Variants in RBM7 observed in about 807,000 individuals in gnomAD.
RBM7 encodes the protein RNA-binding protein 7.
RBM7 carries 13 observed loss-of-function variants against 31.0 expected under a neutral mutation model. That is an observed-to-expected ratio of 0.42 (90% CI 0.27 to 0.67). The LOEUF (loss-of-function observed/expected upper bound fraction) is 0.67. RBM7 is among the 30% of genes least tolerant of loss of function. RBM7 has a pLI of 0.24. For synonymous variants in RBM7, 106 were observed against 111.2 expected (o/e 0.95, Z 0.30); for missense variants, 245 against 326.2 (o/e 0.75, Z 1.92).
At chr11:114,402,712 T>G in intron 2 of RBM7, 116 bp from the exon 3 acceptor site, 25 of 912,684 alleles carry the variant, frequency 2.7e-5, no homozygotes, top group Non-Finnish European at 4.2e-5. Context: ...GCCAGTAGTT[T>G]GAGATTTTTC....
At chr11:114,402,948 A>G (rs1317971293) in intron 3 of RBM7, 33 bp downstream of exon 3, 1 of 1,529,634 alleles carries the variant, frequency 6.5e-7, no homozygotes, top group African/African-American at 1.4e-5. Context: ...AAGATCATTT[A>G]TCAGGAATTC....
At chr11:114,402,685 G>A (rs1017231763) in intron 2 of RBM7, 143 bp from the exon 3 acceptor site, 32 of 688,860 alleles carry the variant, frequency 4.6e-5, no homozygotes, top group Middle Eastern at 4.1e-4. Context: ...GATTACAGGC[G>A]TCAGCCACCG....
chr11:114,401,834 G>A lies in RBM7; in HGVS notation c.233G>A (p.Arg78Lys), dbSNP rs763477337. 6.3e-6 allele frequency: 10 copies of A among 1,590,972 alleles called. No homozygotes were observed. In the East Asian group the frequency reaches 2.3e-4, roughly 37 times the overall value. Residue 78 changes from arginine to lysine, a missense_variant, in exon 2 of 5, where the codon AGG (arginine) becomes AAG (lysine). By Grantham distance (26) the Arg-to-Lys change is conservative. Coordinates refer to ENST00000375490, the MANE Select transcript of RBM7 (RefSeq NM_001286045.2). Reference sequence around the variant, plus strand: ...CTTAATGGAATCAAACTTTATGGAAGGCCTATCAAAATTCAATTTAGATCA... The same window carrying A: ...CTTAATGGAATCAAACTTTATGGAAAGCCTATCAAAATTCAATTTAGATCA... The part of the protein sequence containing the change: ...NLLNGIKLYG[R>K]PIKIQFRSGS...
chr11:114,405,269 A>G (rs1023948699), intron 3 of RBM7, among the ~76,000 whole-genome samples: 12 of 152,208 alleles, frequency 7.9e-5, no homozygotes, highest in African/African-American at 2.7e-4. Flanking sequence ...TAAAGTAGCC[A>G]TAGATAATAC....
intron 4 of RBM7, 163 bp downstream of exon 4, chr11:114,405,962 C>T (rs1946261628): frequency 1.9e-6 from 1 of 523,356 alleles, no homozygotes; most frequent in Non-Finnish European, 3.3e-6. Flanking sequence ...AACTTTTTCT[C>T]AAATTTTTGT....
At chr11:114,405,840 T>A in intron 4 of RBM7, 41 bp downstream of exon 4, 5 of 1,196,534 alleles carry the variant, frequency 4.2e-6, no homozygotes, top group Non-Finnish European at 6.0e-6. Flanking sequence ...CAAAAAAAAA[T>A]CATCCTTAGT....
chr11:114,401,706 A>G lies in RBM7; in HGVS notation c.105A>G (p.Pro35=). ...LLFELFHQAG[P]VIKVKIPKDK... ...CACCTTTTTGTTTGTAGGCTGGGCC[A>G]GTAATAAAGGTGAAAATTCCAAAAG... The change falls in exon 2 of 5, where the codon CCA becomes CCG. Residue 35 remains proline (P), a synonymous_variant. Coordinates refer to ENST00000375490, the MANE Select transcript of RBM7 (RefSeq NM_001286045.2). 1.3e-6 allele frequency: 2 copies of G among 1,522,156 alleles called. No homozygotes were observed. Among genetic ancestry groups the G allele is most frequent in the Non-Finnish European group, 1.7e-6 (2 of 1,143,476 alleles). 94.3% of individuals were successfully genotyped at this position (1,522,156 alleles called of 1,614,324 possible).
At position 114,408,637 on chromosome 11, in the gene RBM7, CTT is replaced by C. The variant is rs758764430; in HGVS notation, c.*832_*833del. The C allele has an allele frequency of 1.2e-3, 185 of 152,642 alleles. 2 individuals carry two copies. Among genetic ancestry groups the C allele is most frequent in the Non-Finnish European group, 9.0e-4 (61 of 67,998 alleles). 9.5% of individuals were successfully genotyped at this position (152,642 alleles called of 1,614,324 possible). Reference sequence around the variant, plus strand: ...GCTTCTGTCAGTCAAACGTTAAAAACTTTAACATTTTCAAAGTGCCCAGACTG... The same window carrying C: ...GCTTCTGTCAGTCAAACGTTAAAAACTAACATTTTCAAAGTGCCCAGACTG... On this transcript the variant is annotated 3_prime_UTR_variant, in exon 5 of 5. Coordinates refer to ENST00000375490, the MANE Select transcript of RBM7 (RefSeq NM_001286045.2).
At chr11:114,405,411 A>G (rs139297592) in intron 3 of RBM7, among the ~76,000 whole-genome samples, 114 of 152,294 alleles carry the variant, frequency 7.5e-4, no homozygotes, top group African/African-American at 2.7e-3. Context: ...CCTCTAGGTA[A>G]CCTTGGTGTT....
chr11:114,407,945 C>T lies in RBM7; in HGVS notation c.*138C>T. On this transcript the variant is annotated 3_prime_UTR_variant, in exon 5 of 5. Coordinates refer to ENST00000375490, the MANE Select transcript of RBM7 (RefSeq NM_001286045.2). The stretch of plus-strand genomic sequence containing the variant: ...TTCTTTATAAATTTTTTTAAAGCTA[C>T]AGTTTAATACAAAATGAATTGCGGT... 3 of 1,004,352 alleles carry T rather than the reference C, an allele frequency of 3.0e-6. No individual in the cohort carries two copies. The highest frequency in any genetic ancestry group is 4.1e-6 in the Non-Finnish European group (3 of 723,796). 62.2% of individuals were successfully genotyped at this position (1,004,352 alleles called of 1,614,324 possible).
At position 114,408,881 on chromosome 11, in the gene RBM7, TTCC is replaced by T. The variant is rs1041144131; in HGVS notation, c.*1076_*1078del. ...TTTTAATACCACAGCATTTGTACTGTTCCTTTTTAATATACTGAAAATATAAAA... is the reference window on the plus strand; with the variant it reads ...TTTTAATACCACAGCATTTGTACTGTTTTTTAATATACTGAAAATATAAAA... On this transcript the variant is annotated 3_prime_UTR_variant, in exon 5 of 5. Coordinates refer to ENST00000375490, the MANE Select transcript of RBM7 (RefSeq NM_001286045.2). 6.6e-6 allele frequency: 1 copy of T among 152,194 alleles called. No individual in the cohort carries two copies. Among genetic ancestry groups the T allele is most frequent in the African/African-American group, 2.4e-5 (1 of 41,434 alleles). The allele number at this position is 152,194 out of a possible 1,614,324, so 9.4% of individuals were successfully genotyped here. A position where few individuals can be genotyped will look rare whatever the true frequency, so the allele number is the denominator to read the frequency against.
chr11:114,405,693 G>T lies in RBM7; in HGVS notation c.348-13G>T. 1 of 1,534,372 alleles carries T rather than the reference G, an allele frequency of 6.5e-7. No individual in the cohort carries two copies. The highest frequency in any genetic ancestry group is 8.8e-7 in the Non-Finnish European group (1 of 1,130,594). On this transcript the variant is annotated splice_polypyrimidine_tract_variant and intron_variant, in intron 3 of 4. Transcript: ENST00000375490. ...TTATTGAATGAATGGTTACATGTTG[G>T]TTTTCTTTTTAGCAGGTACGAAAGG... is the stretch of plus-strand genomic sequence containing the variant.
At chr11:114,407,024 C>A in intron 4 of RBM7, 1 of 158,124 alleles carries the variant, frequency 6.3e-6, no homozygotes, top group Non-Finnish European at 1.4e-5. Context: ...TTCTATGAAC[C>A]TGTTCTGTGT....
In RBM7 at chr11:114,401,872, A is replaced by G. The variant is rs149279108; in HGVS notation, c.259+12A>G. The G allele has an allele frequency of 4.8e-3, 7,542 of 1,580,162 alleles. 27 individuals carry two copies. Among genetic ancestry groups the G allele is most frequent in the Non-Finnish European group, 5.7e-3 (6,683 of 1,167,650 alleles). On this transcript the variant is annotated intron_variant, in intron 2 of 4. Coordinates refer to ENST00000375490, the MANE Select transcript of RBM7 (RefSeq NM_001286045.2). ...TCAATTTAGATCAGGTAACTGCCCA[A>G]TGAGGTTCGGGGGGCATTGTTTCCT... is the stretch of plus-strand genomic sequence containing the variant.
rs1565263697 is a variant in RBM7 at position 114,410,473 on chromosome 11, T to C, written c.*2666T>C. 6.6e-6 allele frequency: 1 copy of C among 152,210 alleles called. No individual in the cohort carries two copies. The highest frequency in any genetic ancestry group is 1.5e-5 in the Non-Finnish European group (1 of 68,040). 9.4% of individuals were successfully genotyped at this position (152,210 alleles called of 1,614,324 possible). On this transcript the variant is annotated 3_prime_UTR_variant, in exon 5 of 5. Coordinates refer to ENST00000375490, the MANE Select transcript of RBM7 (RefSeq NM_001286045.2). Reference sequence around the variant, plus strand: ...GCTACCATCTTAGAGTAGGCAATTTTCTCAAGAGGATTATTCCAAGAACAC... The same window carrying C: ...GCTACCATCTTAGAGTAGGCAATTTCCTCAAGAGGATTATTCCAAGAACAC...
rs764769565 is a variant in RBM7 at position 114,405,817 on chromosome 11, C to G, written c.441+18C>G. The G allele has an allele frequency of 8.7e-6, 13 of 1,489,950 alleles. No homozygotes were observed. In the East Asian group the frequency reaches 2.8e-4, roughly 32 times the overall value. 92.3% of individuals were successfully genotyped at this position (1,489,950 alleles called of 1,614,324 possible). ...AAGCAGTGGTAGGTTGACTATTTTT[C>G]AACTTGAATTGCCAAAAAAAAATCA... On this transcript the variant is annotated intron_variant, in intron 4 of 4. Coordinates refer to ENST00000375490, the MANE Select transcript of RBM7 (RefSeq NM_001286045.2).
chr11:114,402,038 T>C, intron 2 of RBM7, 178 bp downstream of exon 2: 1 of 580,346 alleles, frequency 1.7e-6, no homozygotes, highest in Non-Finnish European at 2.8e-6. Flanking sequence ...ACATGGATTT[T>C]GAAATTAGAA....
In RBM7 at chr11:114,408,239, C is replaced by T. The variant is rs1859340845; in HGVS notation, c.*432C>T. ...TGAAACTTTTCAGTGATTCACTTTA[C>T]TAACATTCTATTTGAGAAGGCTTAT... On this transcript the variant is annotated 3_prime_UTR_variant, in exon 5 of 5. Transcript: ENST00000375490. 6.5e-6 allele frequency: 1 copy of T among 153,926 alleles called. No homozygotes were observed. The highest frequency in any genetic ancestry group is 1.5e-5 in the Non-Finnish European group (1 of 68,842). 9.5% of individuals were successfully genotyped at this position (153,926 alleles called of 1,614,324 possible).
At position 114,400,806 on chromosome 11, in the gene RBM7, G is replaced by A. The variant is rs555495654; in HGVS notation, c.96+39G>A. 1.6e-5 allele frequency: 25 copies of A among 1,611,382 alleles called. No individual in the cohort carries two copies. The African/African-American group carries it at 3.1e-4, about 20-fold the overall frequency. On this transcript the variant is annotated intron_variant, in intron 1 of 4. Transcript: ENST00000375490. Reference sequence around the variant, plus strand: ...TTCGGCCCTTTGCCTTTCGTTTTCCGTCTCGCCTAGGGCCTGGCCAGCGGC... The same window carrying A: ...TTCGGCCCTTTGCCTTTCGTTTTCCATCTCGCCTAGGGCCTGGCCAGCGGC...
Sources: gnomAD v4.1 joint callset for allele counts (sites outside exome capture counted in the v4.1 genomes callset) on GRCh38, gnomAD v4.1.1 for gene constraint, MANE v1.5 for transcripts, NCBI Gene and HGNC (gene_info 2026-07-23, HGNC 2026-07-21) for gene names.